Variants in RPS6KA2 observed in about 807,000 individuals in gnomAD.
RPS6KA2 encodes ribosomal protein S6 kinase alpha-2.
Under a neutral mutation model 91.8 loss-of-function variants are expected in RPS6KA2, and 42 were observed. That is an observed-to-expected ratio of 0.46 (90% CI 0.36 to 0.59). The LOEUF (loss-of-function observed/expected upper bound fraction) is 0.59, where lower values mean the gene tolerates loss of function less well. RPS6KA2 is among the 20% of genes least tolerant of loss of function. The pLI, the probability that RPS6KA2 is intolerant of heterozygous loss-of-function variation, is 0.00. For synonymous variants in RPS6KA2, 414 were observed against 393.6 expected (o/e 1.05, Z -0.61); for missense variants, 798 against 978.5 (o/e 0.82, Z 2.46).
At chr6:166,816,552 C>A (rs1401586300) in intron 2 of RPS6KA2, among the ~76,000 whole-genome samples, 2 of 147,446 alleles carry the variant, frequency 1.4e-5, no homozygotes, top group African/African-American at 5.0e-5. Context: ...AAGACTCCAT[C>A]TCAAAAAAAA....
intron 1 of RPS6KA2, among the ~76,000 whole-genome samples, chr6:166,565,700 G>T (rs1784479612): frequency 1.3e-5 from 2 of 152,244 alleles, no homozygotes. Context: ...GGCCAGTGGG[G>T]CTCAGCCTGA....
In RPS6KA2 at chr6:166,770,174, C is replaced by T. The variant is rs759433313; in HGVS notation, c.123+88026G>A. On this transcript the variant is annotated intron_variant, in intron 2 of 21. Coordinates refer to the RPS6KA2 transcript ENST00000503859. The surrounding 1 kb of genome is among the most constrained non-coding windows in gnomAD (Gnocchi z 5.1). ...CCCATGGTGTCACAACCACATGTGG[C>T]GTGACTACCGACTTACTACATTTCA... is the stretch of plus-strand genomic sequence containing the variant. Among the ~76,000 whole-genome samples the T allele has an allele frequency of 1.3e-5, 2 of 152,182 alleles. No homozygotes were observed. Among genetic ancestry groups the T allele is most frequent in the Admixed American group, 1.3e-4 (2 of 15,282 alleles).
In RPS6KA2 at chr6:166,794,861, G is replaced by C. The variant is rs1429156654; in HGVS notation, c.123+63339C>G. Reference sequence around the variant, plus strand: ...CACACTCCGGGGACTGTTGTGGGGTGGGGGGAGGGATAGCATTAGGAGATA... The same window carrying C: ...CACACTCCGGGGACTGTTGTGGGGTCGGGGGAGGGATAGCATTAGGAGATA... On this transcript the variant is annotated intron_variant, in intron 2 of 21. Coordinates refer to the RPS6KA2 transcript ENST00000503859. 3.8e-4 allele frequency among the ~76,000 whole-genome samples: 46 copies of C among 120,918 alleles called. No individual in the cohort carries two copies. In the East Asian group the frequency reaches 0.012, roughly 32 times the overall value. 79.3% of individuals were successfully genotyped at this position (120,918 alleles called of 152,430 possible). A position where few individuals can be genotyped will look rare whatever the true frequency, so the allele number is the denominator to read the frequency against.
chr6:166,440,815 T>G (rs565759955), intron 14 of RPS6KA2, among the ~76,000 whole-genome samples: 27 of 152,360 alleles, frequency 1.8e-4, no homozygotes, highest in Non-Finnish European at 3.1e-4. Flanking sequence ...AAGTGAGATA[T>G]TTCGCGGCAA....
At chr6:166,633,590 G>A (rs1051413496) in intron 2 of RPS6KA2, among the ~76,000 whole-genome samples, 3 of 152,060 alleles carry the variant, frequency 2.0e-5, no homozygotes, top group Admixed American at 1.3e-4. Flanking sequence ...TTATTCACTC[G>A]GTTAATCCAG....
In RPS6KA2 at chr6:166,491,432, A is replaced by G. The variant is rs144215341; in HGVS notation, c.748-691T>C. ...TGGTGATTACACACACTCTGGAAGC[A>G]GTGGCCTGGAATGGTCTCATCAGAG... On this transcript the variant is annotated intron_variant, in intron 8 of 20. Transcript: ENST00000265678. Among the ~76,000 whole-genome samples the G allele has an allele frequency of 9.2e-3, 1,398 of 152,316 alleles. 66 individuals carry two copies. The highest frequency in any genetic ancestry group is 0.083 in the Admixed American group (1,266 of 15,304).
At chr6:166,824,797 CTG>C (rs763140147) in intron 2 of RPS6KA2, among the ~76,000 whole-genome samples, 2 of 134,704 alleles carry the variant, frequency 1.5e-5, no homozygotes, top group African/African-American at 5.4e-5. Flanking sequence ...GTGTGTGTGT[CTG>C]TGTGTCTATG....
Position 166,627,133 on chromosome 6 carries a change from G to A in RPS6KA2, c.-114C>T, listed in dbSNP as rs1262919813. On this transcript the variant is annotated 5_prime_UTR_variant, in exon 1 of 21. Transcript: ENST00000265678. ...ACGCGTGGCCAGGGAGCCCGGCACG[G>A]CGGCCATGGGCGCGGGGCGTGGGGC... The A allele has an allele frequency of 1.7e-6, 2 of 1,144,986 alleles. No individual in the cohort carries two copies. 70.9% of individuals were successfully genotyped at this position (1,144,986 alleles called of 1,614,324 possible). A position where few individuals can be genotyped will look rare whatever the true frequency, so the allele number is the denominator to read the frequency against.
chr6:166,694,486 G>A (rs1789301133), intron 2 of RPS6KA2, among the ~76,000 whole-genome samples: 1 of 152,164 alleles, frequency 6.6e-6, no homozygotes, highest in South Asian at 2.1e-4. Flanking sequence ...TAACGTCCAG[G>A]ATAAAAAAAT....
At chr6:166,711,658 A>G (rs1789857938) in intron 2 of RPS6KA2, among the ~76,000 whole-genome samples, 1 of 152,126 alleles carries the variant, frequency 6.6e-6, no homozygotes, top group South Asian at 2.1e-4. Flanking sequence ...AACAAAGGAA[A>G]GAAACAGTGA....
chr6:166,601,202 T>C (rs1785718377), intron 1 of RPS6KA2, among the ~76,000 whole-genome samples: 1 of 152,250 alleles, frequency 6.6e-6, no homozygotes, highest in African/African-American at 2.4e-5. Context: ...ATTTCTCTAC[T>C]TGCAAGCAAG....
chr6:166,757,761 G>A (rs1254792177), intron 2 of RPS6KA2: 20 of 335,006 alleles, frequency 6.0e-5, no homozygotes, highest in South Asian at 2.0e-4. Context: ...TTCCCAAGCC[G>A]GGAGTCCTGC....
At chr6:166,469,962 G>T (rs151176681) in intron 10 of RPS6KA2, 57 bp from the exon 11 acceptor site, 722 of 1,468,432 alleles carry the variant, frequency 4.9e-4, no homozygotes, top group Non-Finnish European at 6.5e-4. Flanking sequence ...TTCTCTGACA[G>T]TTTCCAATGC....
At chr6:166,425,841 A>G (rs993358361) in intron 16 of RPS6KA2, among the ~76,000 whole-genome samples, 15 of 152,216 alleles carry the variant, frequency 9.9e-5, no homozygotes, top group African/African-American at 3.6e-4. Flanking sequence ...AGACTCCCAC[A>G]CAATAATAAT....
intron 12 of RPS6KA2, among the ~76,000 whole-genome samples, chr6:166,455,915 C>T (rs757999053): frequency 5.3e-5 from 8 of 152,234 alleles, no homozygotes; most frequent in African/African-American, 4.8e-5. Context: ...GGGATTTAGA[C>T]TCAGAGCTTG....
chr6:166,484,512 A>C (rs1043773672), intron 10 of RPS6KA2, among the ~76,000 whole-genome samples: 2 of 152,184 alleles, frequency 1.3e-5, no homozygotes, highest in Non-Finnish European at 2.9e-5. Flanking sequence ...GCTTCCAGAA[A>C]AGCTTTGTTT....
intron 2 of RPS6KA2, among the ~76,000 whole-genome samples, chr6:166,652,197 C>G (rs577014973): frequency 3.3e-5 from 5 of 152,214 alleles, no homozygotes; most frequent in Non-Finnish European, 7.3e-5. Context: ...GAGCCATTCG[C>G]GGGTATTATA....
In RPS6KA2 at chr6:166,554,021, C is replaced by T. The variant is rs943633863; in HGVS notation, c.100-15237G>A. Among the ~76,000 whole-genome samples the T allele has an allele frequency of 2.6e-5, 4 of 152,114 alleles. No homozygotes were observed. The highest frequency in any genetic ancestry group is 4.4e-5 in the Non-Finnish European group (3 of 68,024). On this transcript the variant is annotated intron_variant, in intron 1 of 20. Coordinates refer to ENST00000265678, the MANE Select transcript of RPS6KA2 (RefSeq NM_021135.6). The surrounding 1 kb of genome is among the most constrained non-coding windows in gnomAD (Gnocchi z 4.3). The stretch of plus-strand genomic sequence containing the variant: ...AGGAGCTCTCACCTACAGGCTACCC[C>T]GAGGCAGTGGCTGGAAACTGCACCA...
In RPS6KA2 at chr6:166,533,594, C is replaced by G. The variant is rs1783372268; in HGVS notation, c.217-2281G>C. ...GGTGCAAAACGTTCCAGCTGCCACT[C>G]CCTGCTGTGGCAACTGAGGACACCT... On this transcript the variant is annotated intron_variant, in intron 2 of 20. Transcript: ENST00000265678. This position sits in a 1 kb window ranked among gnomAD's most constrained non-coding sequence, Gnocchi z 4.0. 4.6e-5 allele frequency among the ~76,000 whole-genome samples: 7 copies of G among 152,188 alleles called. No homozygotes were observed. The highest frequency in any genetic ancestry group is 4.6e-4 in the Admixed American group (7 of 15,286).
Sources: allele counts gnomAD v4.1 joint callset (sites outside exome capture counted in the v4.1 genomes callset), GRCh38; gene constraint gnomAD v4.1.1; non-coding constraint Gnocchi (gnomAD v3.1); transcripts MANE v1.5; gene names NCBI Gene and HGNC (gene_info 2026-07-23, HGNC 2026-07-21).